Variants in UGT1A7 observed in about 807,000 individuals in gnomAD.
The protein encoded by UGT1A7 is UDP glucuronosyltransferase family 1 member A7, also known as UDP-glucuronosyltransferase 1A7.
A neutral mutation model predicts 45.6 loss-of-function variants in UGT1A7; 33 were observed. The ratio of observed to expected loss-of-function variants is 0.72; its 90% CI spans 0.55 to 0.97. UGT1A7 has a LOEUF of 0.97. Among genes scored for constraint, UGT1A7 ranks in the 50% least tolerant of loss-of-function variants. The pLI is 0.00. For synonymous variants in UGT1A7, 274 were observed against 250.6 expected (o/e 1.09, Z -0.88); for missense variants, 684 against 666.2 (o/e 1.03, Z -0.29).
Position 233,761,237 on chromosome 2 carries a change from G to A in UGT1A7, c.856-5797G>A, listed in dbSNP as rs1002651373. 1.9e-6 allele frequency: 3 copies of A among 1,612,296 alleles called. No homozygotes were observed. The African/African-American group carries it at 4.0e-5, about 22-fold the overall frequency. Reference sequence around the variant, plus strand: ...GATTAACTAGCCCCAGATATATGCTGAGCAAGCATTCTGAGATAATTTAAA... The same window carrying A: ...GATTAACTAGCCCCAGATATATGCTAAGCAAGCATTCTGAGATAATTTAAA... On this transcript the variant is annotated intron_variant, in intron 1 of 4. Coordinates refer to ENST00000373426, the MANE Select transcript of UGT1A7 (RefSeq NM_019077.3).
intron 1 of UGT1A7, chr2:233,760,677 A>G (rs555950591): frequency 6.2e-7 from 1 of 1,614,148 alleles, no homozygotes; most frequent in Non-Finnish European, 8.5e-7. Context: ...GTTCCCACTT[A>G]CTGCACAACA....
chr2:233,762,827 TA>T (rs922323260), intron 1 of UGT1A7, among the ~76,000 whole-genome samples: 2 of 152,162 alleles, frequency 1.3e-5, no homozygotes, highest in African/African-American at 2.4e-5. Flanking sequence ...ATTTTCATAA[TA>T]AAAAATAATA....
intron 1 of UGT1A7, among the ~76,000 whole-genome samples, chr2:233,686,724 G>C (rs948109683): frequency 6.6e-6 from 1 of 152,120 alleles, no homozygotes; most frequent in Non-Finnish European, 1.5e-5. Context: ...CGGCTATGAA[G>C]GTCAACCTCT....
Position 233,772,346 on chromosome 2 carries a change from G to A in UGT1A7, c.1380G>A (p.Glu460=), listed in dbSNP as rs115944950. ...TGGACCTGGCCGTGTTCTGGGTGGA[G>A]TTTGTGATGAGGCACAAGGGCGCGC... The part of the protein sequence containing the change: ...EPLDLAVFWV[E]FVMRHKGAPH... Residue 460 remains glutamate, a synonymous_variant, in exon 5 of 5, where the codon GAG becomes GAA. Coordinates refer to ENST00000373426, the MANE Select transcript of UGT1A7 (RefSeq NM_019077.3). The A allele has an allele frequency of 6.2e-7, 1 of 1,614,250 alleles. No homozygotes were observed. Among genetic ancestry groups the A allele is most frequent in the African/African-American group, 1.3e-5 (1 of 75,066 alleles).
At chr2:233,739,246 G>A (rs1691023323) in intron 1 of UGT1A7, among the ~76,000 whole-genome samples, 1 of 152,234 alleles carries the variant, frequency 6.6e-6, no homozygotes, top group Non-Finnish European at 1.5e-5. Context: ...CTAGAGAAGG[G>A]TGGTAAAGAA....
chr2:233,704,333 TTTAAAAAG>T (rs2075781731), intron 1 of UGT1A7, among the ~76,000 whole-genome samples: 1 of 150,642 alleles, frequency 6.6e-6, no homozygotes, highest in Non-Finnish European at 1.5e-5. Flanking sequence ...CTTTCCACTA[TTTAAAAAG>T]TTGTGTTCTG....
intron 3 of UGT1A7, 132 bp downstream of exon 3, chr2:233,768,068 A>G: frequency 1.3e-6 from 2 of 1,596,810 alleles, no homozygotes; most frequent in Admixed American, 3.5e-5. Flanking sequence ...CTTTTTATCT[A>G]GTGGGGTATC....
At chr2:233,755,027 C>T (rs759197919) in intron 1 of UGT1A7, 2 of 1,309,218 alleles carry the variant, frequency 1.5e-6, no homozygotes, top group African/African-American at 3.0e-5. Flanking sequence ...CCTTGAAGGG[C>T]CTGCCGCCTG....
chr2:233,709,243 A>C (rs2125614867), intron 1 of UGT1A7, among the ~76,000 whole-genome samples: 1 of 152,276 alleles, frequency 6.6e-6, no homozygotes, highest in South Asian at 2.1e-4. Context: ...GGCCGCTGGG[A>C]TGAGATAGGA....
chr2:233,760,524 C>T (rs2125985415), intron 1 of UGT1A7: 1 of 1,614,240 alleles, frequency 6.2e-7, no homozygotes, highest in Non-Finnish European at 8.5e-7. Context: ...TGAAGACGTA[C>T]CCTGTGCCAT....
chr2:233,759,046 C>G (rs1422861422), intron 1 of UGT1A7, among the ~76,000 whole-genome samples: 1 of 152,268 alleles, frequency 6.6e-6, no homozygotes, highest in South Asian at 2.1e-4. Context: ...CTGTTGTGAA[C>G]AAAAGTTCTC....
intron 1 of UGT1A7, chr2:233,754,616 C>G (rs899223660): frequency 6.8e-6 from 3 of 438,446 alleles, no homozygotes; most frequent in African/African-American, 6.2e-5. Flanking sequence ...CTCCATCTTC[C>G]TCCACTTCCA....
At chr2:233,745,465 G>C (rs1164210387) in intron 1 of UGT1A7, among the ~76,000 whole-genome samples, 3 of 151,586 alleles carry the variant, frequency 2.0e-5, no homozygotes, top group Non-Finnish European at 2.9e-5. Flanking sequence ...AGTTCTAAGG[G>C]GAAAATGATT....
At chr2:233,697,144 G>T (rs2075378221) in intron 1 of UGT1A7, among the ~76,000 whole-genome samples, 1 of 152,058 alleles carries the variant, frequency 6.6e-6, no homozygotes. Flanking sequence ...AATAGTTTGA[G>T]TGGAACTGGT....
chr2:233,725,201 GGCA>G (rs1432389183), intron 1 of UGT1A7, among the ~76,000 whole-genome samples: 1 of 92,970 alleles, frequency 1.1e-5, no homozygotes, highest in Non-Finnish European at 1.9e-5. Context: ...CAGAGGCAGA[GGCA>G]GAGGCAGAGG....
chr2:233,707,787 G>A (rs1320068182), intron 1 of UGT1A7, among the ~76,000 whole-genome samples: 1 of 152,136 alleles, frequency 6.6e-6, no homozygotes, highest in Non-Finnish European at 1.5e-5. Context: ...ATATACCTAG[G>A]GGTGGAGCTG....
At chr2:233,729,075 G>A (rs2077785195) in intron 1 of UGT1A7, 2 of 1,611,914 alleles carry the variant, frequency 1.2e-6, no homozygotes, top group East Asian at 2.2e-5. Flanking sequence ...GAAAGCAAAT[G>A]TAGCAGGCAC....
intron 1 of UGT1A7, among the ~76,000 whole-genome samples, chr2:233,704,417 A>G (rs2075786654): frequency 1.3e-5 from 2 of 151,970 alleles, no homozygotes; most frequent in Admixed American, 6.6e-5. Context: ...ATTTATACCA[A>G]CTTAATTCCA....
chr2:233,754,982 G>A (rs777457239), intron 1 of UGT1A7: 2 of 1,295,872 alleles, frequency 1.5e-6, no homozygotes, highest in African/African-American at 3.0e-5. Flanking sequence ...AGACCTCGGC[G>A]GGGTCACGGA....
Sources: allele counts gnomAD v4.1 joint callset (sites outside exome capture counted in the v4.1 genomes callset), GRCh38; gene constraint gnomAD v4.1.1; transcripts MANE v1.5; gene names NCBI Gene and HGNC (gene_info 2026-07-23, HGNC 2026-07-21).